Variants in DPPA2 observed in about 807,000 individuals in gnomAD.
The protein encoded by DPPA2 is developmental pluripotency associated 2.
In DPPA2, 26 loss-of-function variants were observed where a neutral mutation model predicts 36.2. The observed-to-expected ratio is 0.72, with a 90% CI of 0.53 to 1.00. DPPA2 has a LOEUF of 1.00. Ranked by LOEUF, DPPA2 falls within the 50% of genes least tolerant of loss-of-function variation. DPPA2 has a pLI of 0.00. For synonymous variants in DPPA2, 113 were observed against 123.2 expected, an observed-to-expected ratio of 0.92 and a Z score of 0.55; for missense variants, 361 against 365.1, an observed-to-expected ratio of 0.99 and a Z score of 0.09.
chr3:109,295,976 T>C (rs947695319), intron 8 of DPPA2, among the ~76,000 whole-genome samples: 1 of 152,104 alleles, frequency 6.6e-6, no homozygotes, highest in Non-Finnish European at 1.5e-5. Context: ...CTTAAACAAA[T>C]GTCAATAGAA....
chr3:109,301,617 A>T (rs1707458334), intron 7 of DPPA2, among the ~76,000 whole-genome samples: 1 of 151,892 alleles, frequency 6.6e-6, no homozygotes, highest in African/African-American at 2.4e-5. Flanking sequence ...ATGCCACTAT[A>T]CTCCAGCCTG....
intron 8 of DPPA2, among the ~76,000 whole-genome samples, chr3:109,298,249 G>A (rs566659893): frequency 3.9e-5 from 6 of 152,226 alleles, no homozygotes; most frequent in East Asian, 3.9e-4. Flanking sequence ...TGTACAACAC[G>A]AATAATAAAA....
At chr3:109,315,866 GAATA>G (rs937794358) in intron 1 of DPPA2, among the ~76,000 whole-genome samples, 13 of 151,502 alleles carry the variant, frequency 8.6e-5, no homozygotes, top group Admixed American at 2.0e-4. Flanking sequence ...TCATCTCTAT[GAATA>G]AATAAATAAA....
In DPPA2 at chr3:109,308,697, T is replaced by C. The variant is rs146999860; in HGVS notation, c.396+329A>G. 4.9e-3 allele frequency among the ~76,000 whole-genome samples: 740 copies of C among 152,288 alleles called. 7 individuals carry two copies. Among genetic ancestry groups the C allele is most frequent in the African/African-American group, 0.017 (689 of 41,568 alleles). On this transcript the variant is annotated intron_variant, in intron 5 of 8. Coordinates refer to ENST00000478945, the MANE Select transcript of DPPA2 (RefSeq NM_138815.4). ...TTCTTTGTACTGACCTGAACATGTA[T>C]GTCAATGTGGGAAGGGTTTCGGAAT...
chr3:109,297,564 G>A (rs970342520), intron 8 of DPPA2, among the ~76,000 whole-genome samples: 1 of 150,574 alleles, frequency 6.6e-6, no homozygotes, highest in Admixed American at 6.6e-5. Flanking sequence ...ACTGTGGCAC[G>A]CCTATTAGAA....
chr3:109,311,259 C>T (rs928127210), intron 3 of DPPA2, among the ~76,000 whole-genome samples: 1 of 152,156 alleles, frequency 6.6e-6, no homozygotes, highest in African/African-American at 2.4e-5. Context: ...TCAGCTCTTC[C>T]TATAGAAATC....
At chr3:109,308,949 GA>G in intron 5 of DPPA2, 76 bp downstream of exon 5, 2 of 1,534,502 alleles carry the variant, frequency 1.3e-6, no homozygotes, top group Non-Finnish European at 9.0e-7. Flanking sequence ...ACAACACATA[GA>G]TATGGTGCGA....
At chr3:109,310,191 G>A (rs2107317799) in intron 3 of DPPA2, among the ~76,000 whole-genome samples, 1 of 145,448 alleles carries the variant, frequency 6.9e-6, no homozygotes. Flanking sequence ...TCGCGCCATT[G>A]CACTCCAGCC....
chr3:109,306,076 A>G (rs1342282435), intron 6 of DPPA2, among the ~76,000 whole-genome samples: 4 of 152,232 alleles, frequency 2.6e-5, no homozygotes, highest in African/African-American at 4.8e-5. Context: ...GTGAATTTAC[A>G]TATCTGTAAA....
At chr3:109,294,755 G>A (rs1281199908) in intron 8 of DPPA2, among the ~76,000 whole-genome samples, 7 of 152,150 alleles carry the variant, frequency 4.6e-5, no homozygotes, top group Admixed American at 1.3e-4. Flanking sequence ...TGGGCGCGGC[G>A]GCTCATGCCT....
intron 6 of DPPA2, among the ~76,000 whole-genome samples, chr3:109,307,416 A>T (rs1301594455): frequency 6.6e-6 from 1 of 151,928 alleles, no homozygotes; most frequent in African/African-American, 2.4e-5. Context: ...AGCCTGGCCA[A>T]CATAGTGAAA....
At chr3:109,298,830 G>T (rs908034049) in intron 8 of DPPA2, among the ~76,000 whole-genome samples, 9 of 151,000 alleles carry the variant, frequency 6.0e-5, no homozygotes, top group African/African-American at 2.2e-4. Flanking sequence ...GAGTTCAATG[G>T]TCTTGAACCA....
chr3:109,312,319 G>A (rs1275658397), intron 3 of DPPA2, among the ~76,000 whole-genome samples: 2 of 152,184 alleles, frequency 1.3e-5, no homozygotes, highest in African/African-American at 4.8e-5. Context: ...GGGTGACACG[G>A]TGAGACTCCA....
intron 6 of DPPA2, among the ~76,000 whole-genome samples, chr3:109,305,513 G>A (rs1046387940): frequency 3.3e-5 from 5 of 151,924 alleles, no homozygotes; most frequent in African/African-American, 1.2e-4. Context: ...GGTGGCTTAC[G>A]CCTGTAATCC....
At chr3:109,315,269 C>T (rs903716476) in intron 1 of DPPA2, among the ~76,000 whole-genome samples, 7 of 152,144 alleles carry the variant, frequency 4.6e-5, no homozygotes, top group African/African-American at 1.7e-4. Flanking sequence ...CTGATTTATG[C>T]ACGGGGGTAT....
In DPPA2 at chr3:109,304,592, C is replaced by A; in HGVS notation, c.737G>T (p.Gly246Val). The part of the protein sequence containing the change: ...KGWVRLQFHA[G>V]QAWVPTTHRR... ...GTGAGTGGTAGGCACCCAGGCCTGA[C>A]CTGCATGAAACTGCAGGCGTACCCA... The change falls in exon 7 of 9, where the codon GGT becomes GTT. Residue 246 changes from glycine (G) to valine (V), a missense_variant. Physicochemically the swap from Gly to Val is moderately radical, Grantham distance 109. Transcript: ENST00000478945. 2 of 1,614,052 alleles carry A rather than the reference C, an allele frequency of 1.2e-6. No homozygotes were observed. The highest frequency in any genetic ancestry group is 3.3e-5 in the Admixed American group (2 of 59,990).
At chr3:109,303,000 A>T (rs1438719360) in intron 7 of DPPA2, among the ~76,000 whole-genome samples, 1 of 152,176 alleles carries the variant, frequency 6.6e-6, no homozygotes, top group Non-Finnish European at 1.5e-5. Flanking sequence ...TAGACATAAA[A>T]TCTTTCATGG....
At chr3:109,297,538 A>C (rs1026893603) in intron 8 of DPPA2, among the ~76,000 whole-genome samples, 2 of 152,032 alleles carry the variant, frequency 1.3e-5, no homozygotes, top group Non-Finnish European at 2.9e-5. Context: ...CTCAAAAAAA[A>C]AAAAAGCACT....
At chr3:109,302,166 C>T (rs1707466563) in intron 7 of DPPA2, among the ~76,000 whole-genome samples, 3 of 152,188 alleles carry the variant, frequency 2.0e-5, no homozygotes, top group Admixed American at 2.0e-4. Context: ...TTCCTTCCTA[C>T]ATACTCTTAT....
Sources: allele counts gnomAD v4.1 joint callset (sites outside exome capture counted in the v4.1 genomes callset), GRCh38; gene constraint gnomAD v4.1.1; transcripts MANE v1.5; gene names NCBI Gene and HGNC (gene_info 2026-07-23, HGNC 2026-07-21).